The following NDE1 variants were observed in gnomAD, a reference collection of about 807,000 sequenced individuals.
NDE1 encodes nudE neurodevelopment protein 1.
In NDE1, 28 loss-of-function variants were observed where a neutral mutation model predicts 43.4. That is an observed-to-expected ratio of 0.65 (90% confidence interval 0.48 to 0.89). The LOEUF is 0.89. NDE1 is among the 40% of genes least tolerant of loss of function. NDE1 has a pLI of 0.00. For synonymous variants in NDE1, 184 were observed against 172.0 expected (o/e 1.07, Z -0.55); for missense variants, 441 against 434.1 (o/e 1.02, Z -0.14).
At chr16:15,646,546 A>G (rs2036332872), upstream of NDE1, among the ~76,000 whole-genome samples, 1 of 151,540 alleles carries the variant, frequency 6.6e-6, no homozygotes, top group East Asian at 1.9e-4. Flanking sequence ...GTGCCACTGC[A>G]CTCCAGCCTG....
intron 4 of NDE1, among the ~76,000 whole-genome samples, chr16:15,685,736 A>C (rs529723565): frequency 3.3e-5 from 5 of 152,112 alleles, no homozygotes; most frequent in Non-Finnish European, 7.3e-5. Flanking sequence ...GATGAAGGAG[A>C]TCAAGTTCCG....
At chr16:15,700,044 C>T in intron 8 of NDE1, 1 of 1,177,004 alleles carries the variant, frequency 8.5e-7, no homozygotes, top group Non-Finnish European at 1.1e-6. Context: ...GTGTGCATTG[C>T]AAAGAGGGAC....
At chr16:15,703,784 T>C in intron 8 of NDE1, 1 of 671,740 alleles carries the variant, frequency 1.5e-6, no homozygotes, top group Admixed American at 2.5e-5. Flanking sequence ...GATGAGGTTT[T>C]ACTACGTTGC....
At chr16:15,646,336 G>A (rs1004813185), upstream of NDE1, among the ~76,000 whole-genome samples, 6 of 152,278 alleles carry the variant, frequency 3.9e-5, no homozygotes, top group South Asian at 6.2e-4. Context: ...CAGCACTTTG[G>A]GAGGCCGAGG....
intron 4 of NDE1, among the ~76,000 whole-genome samples, chr16:15,683,891 G>A (rs1349653837): frequency 6.6e-6 from 1 of 151,998 alleles, no homozygotes; most frequent in East Asian, 1.9e-4. Flanking sequence ...GCCGGCTATG[G>A]TAGCTTGTGC....
intron 8 of NDE1, chr16:15,712,881 A>AGTTTTTTTTTTGTTTTTTTTTTTTTTTTT (rs1567680184): frequency 6.1e-5 from 4 of 65,936 alleles, no homozygotes; most frequent in Non-Finnish European, 1.1e-4. Context: ...CTTCACATAC[A>AGTTTTTTTTTTGTTTTTTTTTTTTTTTTT]GTTTTTTTTT....
rs35767829 is a variant in NDE1, at chr16:15,688,633, C to CAAA, written c.523+1140_523+1142dup. On this transcript the variant is annotated intron_variant, in intron 5 of 8. Transcript: ENST00000396354. ...GGGTGACAGAGTGAGACTCTTGTCT[C>CAAA]AAAAAAAAAAAAAAAAAAAAGACAT... 1.3e-4 allele frequency among the ~76,000 whole-genome samples: 5 copies of CAAA among 37,448 alleles called. 1 individual carries two copies. Among genetic ancestry groups the CAAA allele is most frequent in the East Asian group, 1.0e-3 (1 of 982 alleles). The allele number at this position is 37,448 out of a possible 152,430, so 24.6% of individuals were successfully genotyped here. A position where few individuals can be genotyped will look rare whatever the true frequency, so the allele number is the denominator to read the frequency against.
chr16:15,661,986 T>C (rs1032051270), intron 1 of NDE1, among the ~76,000 whole-genome samples: 2 of 152,136 alleles, frequency 1.3e-5, no homozygotes, highest in African/African-American at 4.8e-5. Context: ...CAGGCTGGAG[T>C]GCAGTACCGT....
chr16:15,679,094 AAAAACAAC>A (rs1293927642), intron 4 of NDE1, among the ~76,000 whole-genome samples: 2 of 152,102 alleles, frequency 1.3e-5, no homozygotes, highest in African/African-American at 4.8e-5. Context: ...AAACAAAACA[AAAAACAAC>A]AAAAAAACAA....
At chr16:15,676,004 T>C (rs2037850720) in intron 3 of NDE1, among the ~76,000 whole-genome samples, 1 of 152,030 alleles carries the variant, frequency 6.6e-6, no homozygotes, top group Non-Finnish European at 1.5e-5. Flanking sequence ...TGGCACAGAA[T>C]AAGTATGTAA....
chr16:15,695,890 C>T lies in NDE1; in HGVS notation c.796-819C>T, dbSNP rs547903376. 1.1e-4 allele frequency: 19 copies of T among 178,422 alleles called. No homozygotes were observed. In the South Asian group the frequency reaches 3.4e-3, roughly 32 times the overall value. The allele number at this position is 178,422 out of a possible 1,614,324, so 11.1% of individuals were successfully genotyped here. A position where few individuals can be genotyped will look rare whatever the true frequency, so the allele number is the denominator to read the frequency against. On this transcript the variant is annotated intron_variant, in intron 7 of 8. Transcript: ENST00000396354. ...GTAGCCAGACCAAGTCCTTACCAAA[C>T]TTCTTGCCATTCTGCAGAGGTTTAA...
At chr16:15,668,843 G>A (rs2037446131) in intron 3 of NDE1, among the ~76,000 whole-genome samples, 1 of 152,112 alleles carries the variant, frequency 6.6e-6, no homozygotes, top group Non-Finnish European at 1.5e-5. Context: ...GTTGACATTG[G>A]AGCCCGGATC....
chr16:15,695,023 G>A, intron 7 of NDE1: 1 of 600,500 alleles, frequency 1.7e-6, no homozygotes, highest in South Asian at 7.4e-5. Context: ...GCCTCTACAA[G>A]AATGCAAAAA....
intron 7 of NDE1, chr16:15,694,548 GT>G (rs1416011244): frequency 2.4e-6 from 2 of 847,346 alleles, no homozygotes; most frequent in East Asian, 2.5e-4. Context: ...GGGTATCGCT[GT>G]GTTGCCCAGG....
chr16:15,714,996 C>A, intron 8 of NDE1: 2 of 1,613,986 alleles, frequency 1.2e-6, no homozygotes, highest in Non-Finnish European at 1.7e-6. Context: ...CAGCTTCCTG[C>A]GGTTGGCGTT....
Position 15,699,779 on chromosome 16 carries a change from C to A in NDE1, c.947+2919C>A, listed in dbSNP as rs186540635. On this transcript the variant is annotated intron_variant, in intron 8 of 8. Transcript: ENST00000396354. Reference sequence around the variant, plus strand: ...AAGCCGCCTTCACACATGTCTTCATCGCCGCTGCCGTCAGCCCAGGGGGTA... The same window carrying A: ...AAGCCGCCTTCACACATGTCTTCATAGCCGCTGCCGTCAGCCCAGGGGGTA... 4.4e-6 allele frequency: 6 copies of A among 1,351,548 alleles called. No homozygotes were observed. In the Admixed American group the frequency reaches 5.7e-5, roughly 13 times the overall value. 83.7% of individuals were successfully genotyped at this position (1,351,548 alleles called of 1,614,324 possible).
At chr16:15,697,760 A>G (rs1221509258) in intron 8 of NDE1, among the ~76,000 whole-genome samples, 1 of 152,086 alleles carries the variant, frequency 6.6e-6, no homozygotes, top group Non-Finnish European at 1.5e-5. Flanking sequence ...TTATTTGGGG[A>G]ATTGAGCATC....
At chr16:15,708,946 A>C (rs2039623032) in intron 8 of NDE1, 2 of 1,195,832 alleles carry the variant, frequency 1.7e-6, no homozygotes, top group Non-Finnish European at 2.4e-6. Context: ...TTTAATAATT[A>C]AAGGCACTCT....
At chr16:15,654,517 C>G (rs1047345337) in intron 1 of NDE1, among the ~76,000 whole-genome samples, 1 of 143,964 alleles carries the variant, frequency 6.9e-6, no homozygotes, top group Non-Finnish European at 1.5e-5. Context: ...AGGAGAATCG[C>G]TTGAAGCTGC....
Sources: allele counts gnomAD v4.1 joint callset (sites outside exome capture counted in the v4.1 genomes callset), GRCh38; gene constraint gnomAD v4.1.1; transcripts MANE v1.5; gene names NCBI Gene and HGNC (gene_info 2026-07-23, HGNC 2026-07-21).